The following DDR2 variants were observed in gnomAD, a reference collection of about 807,000 sequenced individuals.
DDR2 encodes discoidin domain-containing receptor 2.
A neutral mutation model predicts 94.9 loss-of-function variants in DDR2; 27 were observed. That is an observed-to-expected ratio of 0.28 (90% CI 0.21 to 0.39). DDR2 has a LOEUF of 0.39. Among genes scored for constraint, DDR2 ranks in the 10% least tolerant of loss-of-function variants. The probability of loss-of-function intolerance (pLI) is 1.00; values close to 1 mark genes in which losing one functional copy is unlikely to be tolerated. For missense variants in DDR2, 783 were observed against 1,076.0 expected, an observed-to-expected ratio of 0.73 and a Z score of 3.81; for synonymous variants, 382 against 377.2, an observed-to-expected ratio of 1.01 and a Z score of -0.15.
chr1:162,639,432 A>G (rs1657012335), intron 1 of DDR2, among the ~76,000 whole-genome samples: 1 of 152,262 alleles, frequency 6.6e-6, no homozygotes. Flanking sequence ...TTGGACATCC[A>G]CATGCAAAAA....
intron 3 of DDR2, among the ~76,000 whole-genome samples, chr1:162,729,297 TATA>T (rs1180501899): frequency 0.02 from 459 of 23,292 alleles, 4 homozygotes; most frequent in East Asian, 0.06. Context: ...TATATATATA[TATA>T]TTTTTTTTTT....
Position 162,672,107 on chromosome 1 carries a change from C to A in DDR2, c.-28+16733C>A, listed in dbSNP as rs140940734. ...CTTGCGTCACTCTGTTGCTCAAAAG[C>A]CTTCAGTGGACCACTGCTGGGCTCT... On this transcript the variant is annotated intron_variant, in intron 2 of 17. Transcript: ENST00000367921. Among the ~76,000 whole-genome samples, 5 of 152,302 alleles carry A rather than the reference C, an allele frequency of 3.3e-5. No homozygotes were observed. The East Asian group carries it at 9.7e-4, about 29-fold the overall frequency.
intron 2 of DDR2, among the ~76,000 whole-genome samples, chr1:162,695,984 C>T (rs1246327352): frequency 6.6e-6 from 1 of 152,080 alleles, no homozygotes; most frequent in Non-Finnish European, 1.5e-5. Context: ...AGGCTACTAA[C>T]GACTAGGTCC....
chr1:162,775,942 G>T, intron 15 of DDR2, 99 bp downstream of exon 15: 1 of 1,509,152 alleles, frequency 6.6e-7, no homozygotes. Flanking sequence ...TCAATGTTCT[G>T]GGATGGTGGG....
intron 7 of DDR2, among the ~76,000 whole-genome samples, chr1:162,756,848 C>A (rs559349338): frequency 1.2e-4 from 18 of 152,292 alleles, no homozygotes; most frequent in African/African-American, 4.3e-4. Flanking sequence ...CACACCCCAA[C>A]AGGCATGTAT....
At chr1:162,633,866 T>A (rs1178627817) in intron 1 of DDR2, among the ~76,000 whole-genome samples, 1 of 152,236 alleles carries the variant, frequency 6.6e-6, no homozygotes, top group African/African-American at 2.4e-5. Context: ...TGCTCAGAGC[T>A]CTTCATACAT....
intron 10 of DDR2, among the ~76,000 whole-genome samples, 162 bp downstream of exon 10, chr1:162,766,225 T>C (rs1001593143): frequency 2.6e-5 from 4 of 152,182 alleles, no homozygotes; most frequent in African/African-American, 9.7e-5. Flanking sequence ...CTCCAAGTTA[T>C]GGATCCAAAT....
Position 162,681,437 on chromosome 1 carries a change from G to A in DDR2, c.-28+26063G>A, listed in dbSNP as rs111673618. Among the ~76,000 whole-genome samples, 557 of 152,278 alleles carry A rather than the reference G, an allele frequency of 3.7e-3. 3 individuals are homozygous for A. The highest frequency in any genetic ancestry group is 0.012 in the African/African-American group (514 of 41,558). Reference sequence around the variant, plus strand: ...TTAATTAGGCCACTCAGGCCTACCCGAATCCCAAGAGACCATTTATGGATG... The same window carrying A: ...TTAATTAGGCCACTCAGGCCTACCCAAATCCCAAGAGACCATTTATGGATG... On this transcript the variant is annotated intron_variant, in intron 2 of 17. Transcript: ENST00000367921.
intron 9 of DDR2, among the ~76,000 whole-genome samples, chr1:162,763,891 T>A (rs563544441): frequency 4.3e-4 from 66 of 152,360 alleles, no homozygotes; most frequent in African/African-American, 1.5e-3. Flanking sequence ...ATATCATGTT[T>A]CCTAACAATG....
At chr1:162,714,248 T>A (rs1661050327) in intron 2 of DDR2, among the ~76,000 whole-genome samples, 1 of 152,200 alleles carries the variant, frequency 6.6e-6, no homozygotes. Context: ...GTTTATGATG[T>A]CTTTTGGTCT....
chr1:162,739,624 A>G (rs550528128), intron 3 of DDR2, among the ~76,000 whole-genome samples: 4 of 152,214 alleles, frequency 2.6e-5, no homozygotes, highest in African/African-American at 9.6e-5. Flanking sequence ...TCTTTATCGA[A>G]TCCACTATTG....
intron 3 of DDR2, among the ~76,000 whole-genome samples, chr1:162,733,158 T>A (rs943216859): frequency 6.6e-6 from 1 of 152,256 alleles, no homozygotes; most frequent in African/African-American, 2.4e-5. Flanking sequence ...CCCAGCTTTT[T>A]CATGCTTCTT....
chr1:162,749,591 G>A (rs1221520463), intron 3 of DDR2, among the ~76,000 whole-genome samples: 1 of 152,172 alleles, frequency 6.6e-6, no homozygotes, highest in Non-Finnish European at 1.5e-5. Flanking sequence ...AGAATAGCTG[G>A]TACCATTCCT....
chr1:162,769,546 A>T (rs1320019011), intron 11 of DDR2, among the ~76,000 whole-genome samples: 1 of 152,252 alleles, frequency 6.6e-6, no homozygotes, highest in East Asian at 1.9e-4. Flanking sequence ...AAAAGTGCAC[A>T]TCTAAGTTTC....
rs975971752 is a variant in DDR2 at position 162,765,923 on chromosome 1, A to G, written c.1100-78A>G. 18 of 1,284,114 alleles carry G rather than the reference A, an allele frequency of 1.4e-5. No homozygotes were observed. The African/African-American group carries it at 2.2e-4, about 16-fold the overall frequency. 79.5% of individuals were successfully genotyped at this position (1,284,114 alleles called of 1,614,324 possible). A position where few individuals can be genotyped will look rare whatever the true frequency, so the allele number is the denominator to read the frequency against. ...CACTAAATTGATCTTGTAATGTGCT[A>G]GGTCACAATATGCCTTCAGAGAAAA... is the stretch of plus-strand genomic sequence containing the variant. On this transcript the variant is annotated intron_variant, in intron 9 of 17. Transcript: ENST00000367921.
At chr1:162,743,881 C>T (rs972985526) in intron 3 of DDR2, among the ~76,000 whole-genome samples, 2 of 152,158 alleles carry the variant, frequency 1.3e-5, no homozygotes, top group African/African-American at 2.4e-5. Context: ...CTCCTCCTTC[C>T]CCCAGGAAAC....
chr1:162,658,829 A>AAATAAATAATAAATAAATAAAT (rs60623253), intron 2 of DDR2, among the ~76,000 whole-genome samples: 1 of 133,622 alleles, frequency 7.5e-6, no homozygotes, highest in Non-Finnish European at 1.6e-5. Context: ...CCTGTCTCAA[A>AAATAAATAATAAATAAATAAAT]AAATAAATAA....
chr1:162,741,929 G>T (rs1662632323), intron 3 of DDR2, among the ~76,000 whole-genome samples: 1 of 152,180 alleles, frequency 6.6e-6, no homozygotes, highest in South Asian at 2.1e-4. Context: ...CCCTGAGAGG[G>T]CCATTTTCTT....
At position 162,655,230 on chromosome 1, in the gene DDR2, G is replaced by A. The variant is rs3795641; in HGVS notation, c.-172G>A. 139,248 of 152,238 alleles carry A rather than the reference G, an allele frequency of 0.91. 64,276 individuals carry two copies. Among genetic ancestry groups the A allele is most frequent in the Middle Eastern group, 0.98 (289 of 294 alleles). The allele number at this position is 152,238 out of a possible 1,614,324, so 9.4% of individuals were successfully genotyped here. A position where few individuals can be genotyped will look rare whatever the true frequency, so the allele number is the denominator to read the frequency against. On this transcript the variant is annotated 5_prime_UTR_variant, in exon 2 of 18. Coordinates refer to ENST00000367921, the MANE Select transcript of DDR2 (RefSeq NM_006182.4). Reference sequence around the variant, plus strand: ...TCCCAGCCTCCATCAAGGGAGACCTGCAAGTTGCCTGGGGTTCAGTGCTCT... The same window carrying A: ...TCCCAGCCTCCATCAAGGGAGACCTACAAGTTGCCTGGGGTTCAGTGCTCT...
Sources: allele counts gnomAD v4.1 joint callset (sites outside exome capture counted in the v4.1 genomes callset), GRCh38; gene constraint gnomAD v4.1.1; transcripts MANE v1.5; gene names NCBI Gene and HGNC (gene_info 2026-07-23, HGNC 2026-07-21).